Variants in FBXL13 observed in about 807,000 individuals in gnomAD.
The protein encoded by FBXL13 is F-box and leucine rich repeat protein 13.
FBXL13 carries 67 observed loss-of-function variants against 83.6 expected under a neutral mutation model. That is an observed-to-expected ratio of 0.80 (90% CI 0.66 to 0.98). FBXL13 has a LOEUF of 0.98. FBXL13 is among the 50% of genes least tolerant of loss of function. The probability of loss-of-function intolerance (pLI) is 0.00; values close to 1 mark genes in which losing one functional copy is unlikely to be tolerated. For synonymous variants in FBXL13, 272 were observed against 299.5 expected, an observed-to-expected ratio of 0.91 and a Z score of 0.95; for missense variants, 822 against 866.5, an observed-to-expected ratio of 0.95 and a Z score of 0.64.
At chr7:102,879,229 T>C (rs964335022) in intron 14 of FBXL13, among the ~76,000 whole-genome samples, 1 of 152,132 alleles carries the variant, frequency 6.6e-6, no homozygotes, top group East Asian at 1.9e-4. Context: ...GGCGTACAGA[T>C]GGGAAGAACA....
chr7:102,931,585 G>T (rs574397655), intron 9 of FBXL13, among the ~76,000 whole-genome samples: 1 of 152,218 alleles, frequency 6.6e-6, no homozygotes, highest in South Asian at 2.1e-4. Context: ...CATGTCTACT[G>T]GGGCCCAATT....
intron 2 of FBXL13, among the ~76,000 whole-genome samples, chr7:103,035,863 A>G (rs1013319746): frequency 6.6e-6 from 1 of 152,224 alleles, no homozygotes; most frequent in Admixed American, 6.5e-5. Context: ...ATAAAGTACC[A>G]TGCCTTTACT....
intron 19 of FBXL13, among the ~76,000 whole-genome samples, chr7:102,819,897 G>C (rs1486641087): frequency 6.6e-6 from 1 of 152,184 alleles, no homozygotes; most frequent in Non-Finnish European, 1.5e-5. Flanking sequence ...AAACGAAGCT[G>C]CTCCATAGAG....
intron 6 of FBXL13, among the ~76,000 whole-genome samples, chr7:103,015,758 C>T (rs1792219743): frequency 6.9e-6 from 1 of 145,164 alleles, no homozygotes; most frequent in African/African-American, 2.6e-5. Flanking sequence ...AGTCACACCA[C>T]TGCACTCCAG....
intron 1 of FBXL13, among the ~76,000 whole-genome samples, chr7:103,060,299 T>C (rs1797784437): frequency 6.6e-6 from 1 of 151,694 alleles, no homozygotes; most frequent in African/African-American, 2.4e-5. Context: ...GTGATCGTCC[T>C]TCCTCTCAGC....
chr7:103,018,905 T>G (rs1250073029), intron 6 of FBXL13, among the ~76,000 whole-genome samples: 4 of 149,018 alleles, frequency 2.7e-5, no homozygotes, highest in Non-Finnish European at 6.0e-5. Context: ...CTGTCAACAT[T>G]AGACAGATCG....
intron 17 of FBXL13, among the ~76,000 whole-genome samples, chr7:102,833,226 G>A (rs1273744355): frequency 6.6e-6 from 1 of 152,084 alleles, no homozygotes; most frequent in Non-Finnish European, 1.5e-5. Context: ...TTGAAGTTAG[G>A]TCTAATGAAG....
intron 18 of FBXL13, among the ~76,000 whole-genome samples, chr7:102,831,394 G>GACACACACACACACAC (rs3045618): frequency 8.5e-5 from 12 of 141,652 alleles, no homozygotes; most frequent in African/African-American, 3.2e-4. Context: ...CAGTGCCCGG[G>GACACACACACACACAC]ACACACACAC....
At chr7:102,831,555 G>A (rs1205435788) in intron 18 of FBXL13, among the ~76,000 whole-genome samples, 1 of 152,122 alleles carries the variant, frequency 6.6e-6, no homozygotes, top group Non-Finnish European at 1.5e-5. Context: ...CAGATTTATG[G>A]AGTAGGGGCT....
In FBXL13 at chr7:102,975,608, G is replaced by C. The variant is rs931370302; in HGVS notation, c.496-7491C>G. Reference sequence around the variant, plus strand: ...GAAAAACTTTCAGAAATCACCCAAGGTCCTAACGAAAACCCAGCCCTTTTT... The same window carrying C: ...GAAAAACTTTCAGAAATCACCCAAGCTCCTAACGAAAACCCAGCCCTTTTT... On this transcript the variant is annotated intron_variant, in intron 6 of 19. Transcript: ENST00000313221. 2.6e-5 allele frequency among the ~76,000 whole-genome samples: 4 copies of C among 152,228 alleles called. No homozygotes were observed. The East Asian group carries it at 7.7e-4, about 29-fold the overall frequency.
chr7:103,037,283 CAACT>C (rs1795165000), intron 2 of FBXL13, among the ~76,000 whole-genome samples: 1 of 152,164 alleles, frequency 6.6e-6, no homozygotes, highest in Non-Finnish European at 1.5e-5. Context: ...CAGGATCAAC[CAACT>C]GATTATCAAC....
intron 1 of FBXL13, among the ~76,000 whole-genome samples, chr7:103,070,634 T>C (rs993853416): frequency 6.6e-6 from 1 of 151,888 alleles, no homozygotes; most frequent in Non-Finnish European, 1.5e-5. Context: ...CTGCAGGGTG[T>C]ACAAGAAGCA....
At chr7:103,028,796 C>A (rs1467289839) in intron 3 of FBXL13, 48 bp from the exon 5 acceptor site, 3 of 1,407,668 alleles carry the variant, frequency 2.1e-6, no homozygotes, top group African/African-American at 1.5e-5. Context: ...GATATTAGGG[C>A]AATATATCAT....
chr7:102,969,392 ATGTT>A (rs1826340674), intron 6 of FBXL13, among the ~76,000 whole-genome samples: 1 of 152,132 alleles, frequency 6.6e-6, no homozygotes, highest in Non-Finnish European at 1.5e-5. Context: ...GCACTCTATG[ATGTT>A]CACACAATGA....
At chr7:102,979,501 C>T (rs1225491052) in intron 6 of FBXL13, among the ~76,000 whole-genome samples, 1 of 152,152 alleles carries the variant, frequency 6.6e-6, no homozygotes. Flanking sequence ...CTCACAGGTT[C>T]TGAGGACTGG....
rs1412558428 is a variant in FBXL13 at position 102,884,204 on chromosome 7, A to T, written c.1107+10T>A. 1.9e-6 allele frequency: 3 copies of T among 1,599,210 alleles called. No individual in the cohort carries two copies. Among genetic ancestry groups the T allele is most frequent in the Non-Finnish European group, 2.6e-6 (3 of 1,166,724 alleles). On this transcript the variant is annotated intron_variant, in intron 12 of 19. Transcript: ENST00000313221. ...GGACAGAAAAGTAAAGGTACTTCCC[A>T]ACTACCTACTTTTACACAGTTGTCC...
exon 13 of FBXL13, chr7:102,883,632 C>A: frequency 6.2e-7 from 1 of 1,612,258 alleles, no homozygotes; most frequent in Non-Finnish European, 8.5e-7. Context: ...CGGAGATATG[C>A]GGTGCACCAG....
Position 102,826,329 on chromosome 7 carries a change from T to C in FBXL13, c.1855-4126A>G, listed in dbSNP as rs73192009. On this transcript the variant is annotated intron_variant, in intron 18 of 19. Coordinates refer to ENST00000313221, the Ensembl canonical transcript of FBXL13. ...GAGATATTAACTAATGAAAATCTAA[T>C]GCAGTAAGAAATAATGTGCTTTAAA... is the stretch of plus-strand genomic sequence containing the variant. Among the ~76,000 whole-genome samples the C allele has an allele frequency of 1.1e-3, 162 of 152,278 alleles. 1 individual carries two copies. The highest frequency in any genetic ancestry group is 3.6e-3 in the Admixed American group (55 of 15,292).
intron 6 of FBXL13, among the ~76,000 whole-genome samples, chr7:102,986,743 A>G (rs1230208810): frequency 6.6e-6 from 1 of 150,668 alleles, no homozygotes; most frequent in Non-Finnish European, 1.5e-5. Context: ...AGGAATAAAT[A>G]TAACATTTAT....
Sources: gnomAD v4.1 joint callset for allele counts (sites outside exome capture counted in the v4.1 genomes callset) on GRCh38, gnomAD v4.1.1 for gene constraint, MANE v1.5 for transcripts, NCBI Gene and HGNC (gene_info 2026-07-23, HGNC 2026-07-21) for gene names.